Variants in NWD2 observed in about 807,000 individuals in gnomAD.
NWD2 encodes the protein NACHT and WD repeat domain-containing protein 2.
Under a neutral mutation model 132.7 loss-of-function variants are expected in NWD2, and 37 were observed. The observed-to-expected ratio is 0.28, with a 90% confidence interval of 0.21 to 0.37. The LOEUF is 0.37. NWD2 is among the 10% of genes least tolerant of loss of function. NWD2 has a pLI of 1.00. For synonymous variants in NWD2, 705 were observed against 803.0 expected (o/e 0.88, Z 2.06); for missense variants, 1,592 against 2,122.4 (o/e 0.75, Z 4.91).
intron 1 of NWD2, among the ~76,000 whole-genome samples, chr4:37,321,012 C>T (rs966737101): frequency 9.9e-5 from 15 of 151,984 alleles, no homozygotes; most frequent in African/African-American, 3.4e-4. Flanking sequence ...TAAAAGTTAA[C>T]CAGGTGTGGT....
Position 37,444,102 on chromosome 4 carries a change from A to G in NWD2, c.2114A>G (p.Tyr705Cys), listed in dbSNP as rs887469979. 4.5e-6 allele frequency: 7 copies of G among 1,551,740 alleles called. No individual in the cohort carries two copies. The highest frequency in any genetic ancestry group is 2.0e-5 in the Admixed American group (1 of 51,002). Residue 705 changes from tyrosine (Y) to cysteine (C), a missense_variant, in exon 7 of 7, where the codon TAC (tyrosine) becomes TGC (cysteine). Around this residue, in one of 7 missense-constraint regions of NWD2, gnomAD observed 1,071 missense variants for 1,398.0 expected, o/e 0.77. Transcript: ENST00000309447. The surrounding 1 kb of genome is among the most constrained non-coding windows in gnomAD (Gnocchi z 4.8). ...CCCAGCAATCCCCTGAGAGTACCTT[A>G]CTTGTACATTGCAAGGCTCAAGGAG... ...TRPSNPLRVPYLYIARLKEGL... is the reference protein window; with the variant it reads ...TRPSNPLRVPCLYIARLKEGL...
intron 3 of NWD2, among the ~76,000 whole-genome samples, chr4:37,417,782 AT>A (rs1469708014): frequency 4.6e-5 from 7 of 152,198 alleles, no homozygotes; most frequent in Non-Finnish European, 8.8e-5. Context: ...CTGGGGTTGA[AT>A]GTACAGATCA....
chr4:37,298,028 C>CTTA (rs1718534893), intron 1 of NWD2, among the ~76,000 whole-genome samples: 1 of 152,102 alleles, frequency 6.6e-6, no homozygotes, highest in Non-Finnish European at 1.5e-5. Flanking sequence ...TGGTGGGCGT[C>CTTA]TCAGTAAGAG....
At chr4:37,307,028 A>G (rs2109278997) in intron 1 of NWD2, among the ~76,000 whole-genome samples, 1 of 152,212 alleles carries the variant, frequency 6.6e-6, no homozygotes, top group East Asian at 1.9e-4. Context: ...CATCAAAAAA[A>G]AAAAAAAAAA....
intron 1 of NWD2, among the ~76,000 whole-genome samples, chr4:37,277,139 A>C (rs1460098198): frequency 6.6e-6 from 1 of 151,990 alleles, no homozygotes; most frequent in South Asian, 2.1e-4. Context: ...TAATTAAAAA[A>C]AAAAAAAGTC....
chr4:37,415,296 T>C (rs906364321), intron 3 of NWD2, among the ~76,000 whole-genome samples: 1 of 152,220 alleles, frequency 6.6e-6, no homozygotes, highest in Non-Finnish European at 1.5e-5. Flanking sequence ...GTGGAGGTAG[T>C]GCATCACAAT....
chr4:37,372,114 A>G (rs189774560), intron 3 of NWD2, among the ~76,000 whole-genome samples: 2 of 152,314 alleles, frequency 1.3e-5, no homozygotes, highest in East Asian at 3.9e-4. Context: ...TGTACATTTA[A>G]GTACCTTTTT....
chr4:37,350,242 G>A (rs923800376), intron 2 of NWD2, among the ~76,000 whole-genome samples: 22 of 152,278 alleles, frequency 1.4e-4, no homozygotes, highest in Non-Finnish European at 2.9e-4. Context: ...TAGCTTGATG[G>A]GGATAGCATT....
Position 37,446,266 on chromosome 4 carries a change from C to T in NWD2, c.4278C>T (p.Leu1426=), listed in dbSNP as rs554417794. The stretch of plus-strand genomic sequence containing the variant: ...AAAATGCCTCCAGGGTTTGGAGGCT[C>T]GCCACAGGCCACAGGGTCTGCAACA... ...CEENASRVWR[L]ATGHRVCNIL... Residue 1426 remains leucine, a synonymous_variant, in exon 7 of 7, where the codon CTC becomes CTT. Transcript: ENST00000309447. This position sits in a 1 kb window ranked among gnomAD's most constrained non-coding sequence, Gnocchi z 6.7. 2.2e-5 allele frequency: 34 copies of T among 1,551,588 alleles called. No homozygotes were observed. The highest frequency in any genetic ancestry group is 3.6e-5 in the South Asian group (3 of 84,048).
At chr4:37,397,958 T>G (rs1409394347) in intron 3 of NWD2, among the ~76,000 whole-genome samples, 1 of 152,116 alleles carries the variant, frequency 6.6e-6, no homozygotes, top group East Asian at 1.9e-4. Flanking sequence ...AACTCTAAAT[T>G]GAAAACAGAT....
intron 2 of NWD2, among the ~76,000 whole-genome samples, chr4:37,329,045 A>G (rs1452240386): frequency 6.6e-6 from 1 of 152,194 alleles, no homozygotes; most frequent in Admixed American, 6.5e-5. Context: ...CATGAAAAAA[A>G]AAAATGAATG....
intron 4 of NWD2, among the ~76,000 whole-genome samples, chr4:37,431,947 TTTA>T (rs1227552867): frequency 6.6e-6 from 1 of 151,592 alleles, no homozygotes; most frequent in African/African-American, 2.4e-5. Context: ...AATGAAATAA[TTTA>T]TTATTAATTC....
In NWD2 at chr4:37,443,953, G is replaced by C; in HGVS notation, c.1965G>C (p.Gln655His). The change falls in exon 7 of 7, where the codon CAG (glutamine) becomes CAC (histidine). Residue 655 changes from glutamine (Q) to histidine (H), a missense_variant. Gln to His is a conservative substitution (Grantham distance 24). Transcript: ENST00000309447. The surrounding 1 kb of genome is among the most constrained non-coding windows in gnomAD (Gnocchi z 4.1). ...LFWSLEKKCGQKLVSRALGYI... is the reference protein window; with the variant it reads ...LFWSLEKKCGHKLVSRALGYI... The stretch of plus-strand genomic sequence containing the variant: ...GGTCCTTGGAGAAGAAGTGTGGTCA[G>C]AAACTGGTCTCTAGGGCTCTTGGTT... The C allele has an allele frequency of 6.4e-7, 1 of 1,552,376 alleles. No individual in the cohort carries two copies. The highest frequency in any genetic ancestry group is 8.7e-7 in the Non-Finnish European group (1 of 1,147,152).
rs1371474451 is a variant in NWD2, at chr4:37,445,384, G to A, written c.3396G>A (p.Lys1132=). The A allele has an allele frequency of 5.8e-6, 9 of 1,552,168 alleles. No individual in the cohort carries two copies. The Admixed American group carries it at 1.8e-4, about 30-fold the overall frequency. Residue 1132 remains lysine, a synonymous_variant, in exon 7 of 7, where the codon AAG becomes AAA. Coordinates refer to ENST00000309447, the MANE Select transcript of NWD2 (RefSeq NM_001144990.2). This position sits in a 1 kb window ranked among gnomAD's most constrained non-coding sequence, Gnocchi z 4.7. ...TATTTCATTTAGGGAGTGGAGAAAAGTTATGTACAGTGACATCAGAATTTT... is the reference window on the plus strand; with the variant it reads ...TATTTCATTTAGGGAGTGGAGAAAAATTATGTACAGTGACATCAGAATTTT... ...TTIFHLGSGE[K]LCTVTSEFSG...
chr4:37,367,355 T>C (rs1271018689), intron 3 of NWD2, among the ~76,000 whole-genome samples: 3 of 152,022 alleles, frequency 2.0e-5, no homozygotes, highest in Non-Finnish European at 4.4e-5. Flanking sequence ...GGATTTCTAT[T>C]TTTTCAATGC....
At chr4:37,299,289 C>T (rs936948620) in intron 1 of NWD2, among the ~76,000 whole-genome samples, 5 of 152,116 alleles carry the variant, frequency 3.3e-5, no homozygotes, top group African/African-American at 1.2e-4. Context: ...TTCTCATTTT[C>T]AAGACCATCA....
At chr4:37,284,675 A>T (rs954701387) in intron 1 of NWD2, among the ~76,000 whole-genome samples, 1 of 152,232 alleles carries the variant, frequency 6.6e-6, no homozygotes, top group Non-Finnish European at 1.5e-5. Flanking sequence ...ACATTGTTCA[A>T]TTTGGAAGAG....
Position 37,415,791 on chromosome 4 carries a change from A to G in NWD2, c.358-14781A>G, listed in dbSNP as rs967230321. On this transcript the variant is annotated intron_variant, in intron 3 of 6. Coordinates refer to ENST00000309447, the MANE Select transcript of NWD2 (RefSeq NM_001144990.2). ...CAGTTAAGGATTAGGCACATACTGA[A>G]GAGAACACTTCATAAGCCCAGGCCT... Among the ~76,000 whole-genome samples the G allele has an allele frequency of 2.6e-5, 4 of 152,124 alleles. No individual in the cohort carries two copies. In the East Asian group the frequency reaches 5.8e-4, roughly 22 times the overall value.
rs187208171 is a variant in NWD2 at position 37,354,579 on chromosome 4, A to G, written c.241-1787A>G. ...AACCTAGAGAGGCAGTCTACTTGCC[A>G]GCTTTTCTTAACTCATTGTTCAACC... is the stretch of plus-strand genomic sequence containing the variant. On this transcript the variant is annotated intron_variant, in intron 2 of 6. Coordinates refer to ENST00000309447, the MANE Select transcript of NWD2 (RefSeq NM_001144990.2). 4.0e-4 allele frequency among the ~76,000 whole-genome samples: 61 copies of G among 152,284 alleles called. 1 individual carries two copies. In the East Asian group the frequency reaches 0.01, roughly 25 times the overall value.
Sources: allele counts gnomAD v4.1 joint callset (sites outside exome capture counted in the v4.1 genomes callset), GRCh38; gene constraint gnomAD v4.1.1; regional missense constraint gnomAD v4.1.1; non-coding constraint Gnocchi (gnomAD v3.1); transcripts MANE v1.5; gene names NCBI Gene and HGNC (gene_info 2026-07-23, HGNC 2026-07-21).